PCDHA7: variants seen among roughly 807,000 people sequenced by gnomAD.
The protein encoded by PCDHA7 is protocadherin alpha-7.
Under a neutral mutation model 57.2 loss-of-function variants are expected in PCDHA7, and 37 were observed. The ratio of observed to expected loss-of-function variants is 0.65; its 90% CI spans 0.50 to 0.85. The LOEUF (loss-of-function observed/expected upper bound fraction) is 0.85, where lower values mean the gene tolerates loss of function less well. Ranked by LOEUF, PCDHA7 falls within the 40% of genes least tolerant of loss-of-function variation. The pLI is 0.00. For synonymous variants in PCDHA7, 553 were observed against 558.8 expected (o/e 0.99, Z 0.15); for missense variants, 1,188 against 1,241.8 (o/e 0.96, Z 0.65).
chr5:140,901,642 C>T lies in PCDHA7; in HGVS notation c.2355+64904C>T, dbSNP rs369623028. Among the ~76,000 whole-genome samples, 37 of 152,054 alleles carry T rather than the reference C, an allele frequency of 2.4e-4. No individual in the cohort carries two copies. In the East Asian group the frequency reaches 3.3e-3, roughly 13 times the overall value. On this transcript the variant is annotated intron_variant, in intron 1 of 3. Transcript: ENST00000525929. ...TTGAAGTCAGGTAATGTGATTCTTC[C>T]GGTTTTGTTCTTTTTGCTCAAGATA...
intron 1 of PCDHA7, among the ~76,000 whole-genome samples, chr5:140,873,433 C>A (rs1404157271): frequency 2.0e-5 from 3 of 152,116 alleles, no homozygotes; most frequent in African/African-American, 7.2e-5. Context: ...TATTTTATAT[C>A]ACATAAATAA....
At chr5:140,944,966 C>A (rs1554216639) in intron 1 of PCDHA7, among the ~76,000 whole-genome samples, 1 of 152,080 alleles carries the variant, frequency 6.6e-6, no homozygotes, top group Non-Finnish European at 1.5e-5. Context: ...ATTATCTTAA[C>A]CTCTCTGGTG....
chr5:141,002,681 C>T (rs556518008), intron 3 of PCDHA7, among the ~76,000 whole-genome samples: 32 of 152,154 alleles, frequency 2.1e-4, no homozygotes, highest in Non-Finnish European at 4.0e-4. Context: ...ACCTATACGA[C>T]GTGCAGATTT....
chr5:140,857,544 G>T (rs1408742148), intron 1 of PCDHA7: 1 of 1,596,898 alleles, frequency 6.3e-7, no homozygotes, highest in Non-Finnish European at 8.6e-7. Flanking sequence ...CGGCGGTTGG[G>T]CGAGCGCTCG....
At chr5:140,878,993 G>A (rs369200128) in intron 1 of PCDHA7, among the ~76,000 whole-genome samples, 70 of 152,306 alleles carry the variant, frequency 4.6e-4, no homozygotes, top group African/African-American at 1.7e-3. Context: ...AGAAATGAGA[G>A]TATGCCCTAG....
In PCDHA7 at chr5:140,917,150, G is replaced by A. The variant is rs535773024; in HGVS notation, c.2356-61799G>A. Among the ~76,000 whole-genome samples the A allele has an allele frequency of 2.0e-5, 3 of 152,324 alleles. No individual in the cohort carries two copies. In the South Asian group the frequency reaches 6.2e-4, roughly 32 times the overall value. On this transcript the variant is annotated intron_variant, in intron 1 of 3. Transcript: ENST00000525929. ...CCCCACGTTGCTCAGCTGCTGCTGG[G>A]GGATATGGGAGGGGTGATGGTGGTG...
intron 1 of PCDHA7, chr5:140,866,792 A>T (rs2049578190): frequency 6.6e-6 from 1 of 152,208 alleles, no homozygotes; most frequent in Non-Finnish European, 1.5e-5. Flanking sequence ...CTGATATAGT[A>T]AAAGTCAGGC....
intron 2 of PCDHA7, among the ~76,000 whole-genome samples, chr5:140,981,993 G>A (rs533430599): frequency 6.6e-6 from 1 of 152,272 alleles, no homozygotes; most frequent in Admixed American, 6.5e-5. Flanking sequence ...TAGAAAATAA[G>A]GTTAAGAATT....
chr5:140,968,063 G>A, intron 1 of PCDHA7: 1 of 1,614,096 alleles, frequency 6.2e-7, no homozygotes. Flanking sequence ...AGAGCGGGTG[G>A]CTGTCTACAA....
intron 1 of PCDHA7, chr5:140,852,582 A>ATTTT (rs527656692): frequency 1.2e-5 from 8 of 693,586 alleles, no homozygotes; most frequent in Non-Finnish European, 1.4e-5. Flanking sequence ...AGGCTTTTTT[A>ATTTT]TTTTTTTTTT....
intron 3 of PCDHA7, among the ~76,000 whole-genome samples, chr5:140,992,118 G>C (rs1554252679): frequency 1.3e-5 from 2 of 151,650 alleles, no homozygotes; most frequent in Non-Finnish European, 2.9e-5. Flanking sequence ...ATGTGTCATG[G>C]AAGAACAGTG....
chr5:140,891,044 CA>C (rs1406159323), intron 1 of PCDHA7, among the ~76,000 whole-genome samples: 9 of 152,030 alleles, frequency 5.9e-5, no homozygotes, highest in African/African-American at 2.2e-4. Flanking sequence ...GTGTGACCCC[CA>C]CAGCACATAG....
At chr5:140,898,233 C>T (rs2066607638) in intron 1 of PCDHA7, among the ~76,000 whole-genome samples, 1 of 152,126 alleles carries the variant, frequency 6.6e-6, no homozygotes, top group African/African-American at 2.4e-5. Flanking sequence ...GTTGCCATTG[C>T]TTTTGGTGTT....
At chr5:140,966,751 G>A (rs1554228608) in intron 1 of PCDHA7, 1 of 1,429,674 alleles carries the variant, frequency 7.0e-7, no homozygotes, top group Admixed American at 2.7e-5. Flanking sequence ...GGCTGCCTCC[G>A]CCGCGGCCAG....
intron 1 of PCDHA7, chr5:140,856,033 A>T: frequency 1.3e-6 from 2 of 1,564,122 alleles, no homozygotes; most frequent in Non-Finnish European, 1.7e-6. Flanking sequence ...GATTTGTAAA[A>T]CAAGAGAAGG....
chr5:140,894,603 C>G (rs782068626), intron 1 of PCDHA7, among the ~76,000 whole-genome samples: 1 of 151,756 alleles, frequency 6.6e-6, no homozygotes, highest in African/African-American at 2.4e-5. Context: ...TTTCTCATCT[C>G]TCTTTTCAAA....
intron 1 of PCDHA7, chr5:140,870,392 G>A (rs1330154432): frequency 1.9e-6 from 3 of 1,614,136 alleles, no homozygotes; most frequent in South Asian, 2.2e-5. Context: ...CGGGATGGGG[G>A]TTCGCCTTCT....
intron 1 of PCDHA7, among the ~76,000 whole-genome samples, chr5:140,890,263 A>G (rs1357896634): frequency 6.6e-6 from 1 of 152,194 alleles, no homozygotes; most frequent in Admixed American, 6.5e-5. Flanking sequence ...ACCTGATTGC[A>G]AGCAAGAACC....
intron 1 of PCDHA7, among the ~76,000 whole-genome samples, chr5:140,887,221 C>T (rs149306651): frequency 9.2e-5 from 14 of 151,858 alleles, no homozygotes; most frequent in Non-Finnish European, 1.3e-4. Flanking sequence ...CTCAGCCTCC[C>T]GAGTAGCTGA....
Sources: allele counts gnomAD v4.1 joint callset (sites outside exome capture counted in the v4.1 genomes callset), GRCh38; gene constraint gnomAD v4.1.1; transcripts MANE v1.5; gene names NCBI Gene and HGNC (gene_info 2026-07-23, HGNC 2026-07-21).